The following CPQ variants were observed in gnomAD, a reference collection of about 807,000 sequenced individuals.
The protein encoded by CPQ is carboxypeptidase Q.
In CPQ, 37 loss-of-function variants were observed where a neutral mutation model predicts 45.7. The ratio of observed to expected loss-of-function variants is 0.81; its 90% CI spans 0.62 to 1.07. CPQ has a LOEUF of 1.07. Among genes scored for constraint, CPQ ranks in the 50% least tolerant of loss-of-function variants. The pLI is 0.00. For missense variants in CPQ, 537 were observed against 572.9 expected (o/e 0.94, Z 0.64); for synonymous variants, 186 against 205.8 (o/e 0.90, Z 0.82).
intron 2 of CPQ, among the ~76,000 whole-genome samples, chr8:96,821,126 A>ATTTTTTTTTTTTTTTTTTTTTTTTTTT (rs572906188): frequency 1.6e-5 from 1 of 60,938 alleles, no homozygotes; most frequent in Non-Finnish European, 3.0e-5. Flanking sequence ...TTTAATCTGA[A>ATTTTTTTTTTTTTTTTTTTTTTTTTTT]TTTTTTTTTT....
At chr8:97,035,794 G>A (rs112939155) in intron 6 of CPQ, among the ~76,000 whole-genome samples, 1,744 of 152,140 alleles carry the variant, frequency 0.011, 37 homozygotes, top group African/African-American at 0.04. Flanking sequence ...TGCAACCTCC[G>A]CCTCCAGGGT....
intron 1 of CPQ, among the ~76,000 whole-genome samples, chr8:96,745,146 A>G (rs1419049666): frequency 6.6e-6 from 1 of 152,134 alleles, no homozygotes; most frequent in Non-Finnish European, 1.5e-5. Context: ...CGTCTCTACT[A>G]AAAATACAAA....
In CPQ at chr8:97,078,433, G is replaced by A. The variant is rs1218385783; in HGVS notation, c.1255+12223G>A. Among the ~76,000 whole-genome samples, 4 of 152,202 alleles carry A rather than the reference G, an allele frequency of 2.6e-5. No homozygotes were observed. In the South Asian group the frequency reaches 8.3e-4, roughly 32 times the overall value. On this transcript the variant is annotated intron_variant, in intron 7 of 7. Transcript: ENST00000220763. ...AGGAAACACTTTTTTTCTCCAACATGAAATTATATTACTAATTATATGATA... is the reference window on the plus strand; with the variant it reads ...AGGAAACACTTTTTTTCTCCAACATAAAATTATATTACTAATTATATGATA...
At chr8:96,836,373 A>T (rs932230988) in intron 3 of CPQ, among the ~76,000 whole-genome samples, 2 of 152,194 alleles carry the variant, frequency 1.3e-5, no homozygotes, top group Non-Finnish European at 2.9e-5. Context: ...CAGGGATAAG[A>T]TATCTTCCCA....
intron 4 of CPQ, among the ~76,000 whole-genome samples, chr8:96,907,793 A>T (rs1052976435): frequency 1.3e-5 from 2 of 152,082 alleles, no homozygotes; most frequent in Admixed American, 1.3e-4. Context: ...TATCCTGTAC[A>T]GGTCATGAGA....
intron 1 of CPQ, among the ~76,000 whole-genome samples, chr8:96,705,443 C>A (rs989405685): frequency 6.6e-6 from 1 of 152,122 alleles, no homozygotes; most frequent in African/African-American, 2.4e-5. Flanking sequence ...TGTGGGACAC[C>A]ATAAACATTT....
intron 7 of CPQ, among the ~76,000 whole-genome samples, chr8:97,073,846 A>T (rs1361119791): frequency 6.6e-6 from 1 of 152,244 alleles, no homozygotes; most frequent in Non-Finnish European, 1.5e-5. Context: ...TCTTTAATTC[A>T]GATGAGTCAA....
At chr8:97,056,596 T>C (rs1810458969) in intron 6 of CPQ, 1 of 152,214 alleles carries the variant, frequency 6.6e-6, no homozygotes, top group Non-Finnish European at 1.5e-5. Context: ...TTTTTGCTAA[T>C]GCCTACAAAA....
At chr8:97,052,165 C>T (rs1249967454) in intron 6 of CPQ, among the ~76,000 whole-genome samples, 2 of 152,150 alleles carry the variant, frequency 1.3e-5, no homozygotes, top group African/African-American at 4.8e-5. Flanking sequence ...GTGATTATTG[C>T]TGCTACTTAT....
At chr8:96,734,863 C>G (rs1008990415) in intron 1 of CPQ, among the ~76,000 whole-genome samples, 1 of 151,790 alleles carries the variant, frequency 6.6e-6, no homozygotes, top group Non-Finnish European at 1.5e-5. Flanking sequence ...TATTTATCTA[C>G]TACTCCTTCC....
chr8:96,875,784 A>G (rs983486714), intron 3 of CPQ, among the ~76,000 whole-genome samples: 2 of 151,850 alleles, frequency 1.3e-5, no homozygotes, highest in Non-Finnish European at 2.9e-5. Flanking sequence ...TTTATTTTGA[A>G]TGATTTCCAT....
At chr8:96,950,602 C>A (rs983445705) in intron 4 of CPQ, among the ~76,000 whole-genome samples, 1 of 152,078 alleles carries the variant, frequency 6.6e-6, no homozygotes, top group African/African-American at 2.4e-5. Flanking sequence ...CCCCTACCAC[C>A]AGGGGAGTGT....
chr8:96,892,712 G>T (rs941402130), intron 4 of CPQ, among the ~76,000 whole-genome samples: 2 of 152,074 alleles, frequency 1.3e-5, no homozygotes, highest in Admixed American at 6.5e-5. Flanking sequence ...ATGCCTCTGG[G>T]CTCATAAAGA....
At chr8:97,094,432 C>T (rs1009334207) in intron 7 of CPQ, among the ~76,000 whole-genome samples, 2 of 152,138 alleles carry the variant, frequency 1.3e-5, no homozygotes, top group Non-Finnish European at 2.9e-5. Flanking sequence ...ATTCACTCCT[C>T]TACCTTCGCT....
intron 1 of CPQ, among the ~76,000 whole-genome samples, chr8:96,672,533 CAGTTTT>C (rs1489561503): frequency 2.6e-5 from 4 of 152,028 alleles, no homozygotes; most frequent in African/African-American, 9.7e-5. Context: ...GGAGTTGTTT[CAGTTTT>C]AAATAGGGTG....
At position 96,684,581 on chromosome 8, in the gene CPQ, A is replaced by G. The variant is rs150919169; in HGVS notation, c.-35+39179A>G. ...TCGGCTTGTCTTTAGGCCCCAGATG[A>G]TGTACTTGGGTGCCATCAGTGGTGG... On this transcript the variant is annotated intron_variant, in intron 1 of 7. Coordinates refer to ENST00000220763, the MANE Select transcript of CPQ (RefSeq NM_016134.4). 3.6e-3 allele frequency among the ~76,000 whole-genome samples: 542 copies of G among 152,128 alleles called. 1 individual carries two copies. The highest frequency in any genetic ancestry group is 5.4e-3 in the Non-Finnish European group (365 of 67,996).
intron 4 of CPQ, among the ~76,000 whole-genome samples, chr8:96,936,473 A>C (rs1813052156): frequency 6.6e-6 from 1 of 152,226 alleles, no homozygotes; most frequent in African/African-American, 2.4e-5. Flanking sequence ...AAAGAGACAG[A>C]GAGGCCAACA....
At chr8:97,104,668 A>G (rs1811374288) in intron 7 of CPQ, among the ~76,000 whole-genome samples, 2 of 152,142 alleles carry the variant, frequency 1.3e-5, no homozygotes, top group Admixed American at 1.3e-4. Flanking sequence ...TCTGACCCCC[A>G]TCTTGCACAA....
intron 6 of CPQ, among the ~76,000 whole-genome samples, chr8:97,032,245 T>C (rs1809919118): frequency 6.6e-6 from 1 of 152,170 alleles, no homozygotes; most frequent in Non-Finnish European, 1.5e-5. Flanking sequence ...TAACATCCAA[T>C]CTACAGTAGG....
Sources: gnomAD v4.1 joint callset for allele counts (sites outside exome capture counted in the v4.1 genomes callset) on GRCh38, gnomAD v4.1.1 for gene constraint, MANE v1.5 for transcripts, NCBI Gene and HGNC (gene_info 2026-07-23, HGNC 2026-07-21) for gene names.